Variants in ZMYND8 observed in about 807,000 individuals in gnomAD.
ZMYND8 encodes the protein zinc finger MYND-type containing 8.
ZMYND8 carries 37 observed loss-of-function variants against 140.8 expected under a neutral mutation model. The observed-to-expected ratio is 0.26, with a 90% CI of 0.20 to 0.35. ZMYND8 has a LOEUF of 0.35. ZMYND8 is among the 10% of genes least tolerant of loss of function. The pLI is 1.00. For synonymous variants in ZMYND8, 592 were observed against 597.1 expected (o/e 0.99, Z 0.12); for missense variants, 1,068 against 1,570.0 (o/e 0.68, Z 5.40).
intron 3 of ZMYND8, 130 bp downstream of exon 3, chr20:47,309,926 C>CAAAT (rs2078795203): frequency 7.7e-7 from 1 of 1,291,832 alleles, no homozygotes; most frequent in East Asian, 2.3e-5. Flanking sequence ...TTGTCCAAGG[C>CAAAT]AAATGACAGC....
intron 22 of ZMYND8, 94 bp from the exon 23 acceptor site, chr20:47,210,991 C>A: frequency 6.6e-7 from 1 of 1,515,792 alleles, no homozygotes; most frequent in Non-Finnish European, 8.9e-7. Context: ...GCACAGGAAA[C>A]CACCTTCCCC....
intron 1 of ZMYND8, among the ~76,000 whole-genome samples, chr20:47,350,328 G>GAAAA (rs3084684): frequency 2.1e-4 from 20 of 93,256 alleles, no homozygotes; most frequent in Admixed American, 4.6e-4. Flanking sequence ...ATTAAAAGGA[G>GAAAA]AAAAAAAAAA....
At chr20:47,356,394 A>C in intron 1 of ZMYND8, 1 of 1,530,876 alleles carries the variant, frequency 6.5e-7, no homozygotes, top group Non-Finnish European at 8.7e-7. Context: ...ATCTAGCTTC[A>C]AACTCTTCCA....
At chr20:47,237,062 A>G (rs904171997) in intron 15 of ZMYND8, among the ~76,000 whole-genome samples, 22 of 152,040 alleles carry the variant, frequency 1.4e-4, no homozygotes, top group African/African-American at 5.1e-4. Context: ...GTAGCATATT[A>G]CCAATTTAAA....
At chr20:47,218,699 G>T (rs572602798) in intron 21 of ZMYND8, among the ~76,000 whole-genome samples, 1 of 152,300 alleles carries the variant, frequency 6.6e-6, no homozygotes, top group African/African-American at 2.4e-5. Flanking sequence ...ACAAGGGGAA[G>T]TGAAGAGGGA....
At chr20:47,322,101 T>C (rs1001079022) in intron 2 of ZMYND8, among the ~76,000 whole-genome samples, 1 of 152,002 alleles carries the variant, frequency 6.6e-6, no homozygotes, top group Non-Finnish European at 1.5e-5. Flanking sequence ...GCTCAAGCAA[T>C]CCCTCTGCCT....
At chr20:47,328,151 G>GT (rs2148421954) in intron 2 of ZMYND8, among the ~76,000 whole-genome samples, 1 of 152,280 alleles carries the variant, frequency 6.6e-6, no homozygotes, top group Admixed American at 6.5e-5. Context: ...CTTAAAGGGT[G>GT]TAACAGGACA....
intron 5 of ZMYND8, among the ~76,000 whole-genome samples, chr20:47,292,374 G>A (rs766299738): frequency 2.0e-5 from 3 of 151,114 alleles, no homozygotes; most frequent in African/African-American, 2.4e-5. Flanking sequence ...TATGAAAATC[G>A]AAGGTAATTC....
Position 47,241,668 on chromosome 20 carries a change from C to T in ZMYND8, c.2285-2530G>A, listed in dbSNP as rs117274014. Among the ~76,000 whole-genome samples, 1,090 of 152,140 alleles carry T rather than the reference C, an allele frequency of 7.2e-3. 9 individuals carry two copies. Among genetic ancestry groups the T allele is most frequent in the Non-Finnish European group, 0.012 (837 of 67,990 alleles). ...GTGGCTCAGTTATGGATGCACAGGC[C>T]TCAGCCCCCGGTAAGGTGAGCCTAT... is the stretch of plus-strand genomic sequence containing the variant. On this transcript the variant is annotated intron_variant, in intron 14 of 22. Coordinates refer to ENST00000471951, the MANE Select transcript of ZMYND8 (RefSeq NM_001281775.3).
At chr20:47,251,991 A>G (rs1452245597) in intron 12 of ZMYND8, among the ~76,000 whole-genome samples, 1 of 152,050 alleles carries the variant, frequency 6.6e-6, no homozygotes, top group Non-Finnish European at 1.5e-5. Context: ...TTAAAAAAAA[A>G]AAGAAAGAAA....
At chr20:47,313,028 C>A (rs1395532665) in intron 2 of ZMYND8, among the ~76,000 whole-genome samples, 2 of 152,100 alleles carry the variant, frequency 1.3e-5, no homozygotes, top group African/African-American at 2.4e-5. Flanking sequence ...ACCCAAAGCA[C>A]TTGAAACAAA....
At position 47,276,850 on chromosome 20, in the gene ZMYND8, T is replaced by A. The variant is rs886961778; in HGVS notation, c.999-55A>T. 4 of 1,490,790 alleles carry A rather than the reference T, an allele frequency of 2.7e-6. No individual in the cohort carries two copies. In the South Asian group the frequency reaches 4.3e-5, roughly 16 times the overall value. 92.3% of individuals were successfully genotyped at this position (1,490,790 alleles called of 1,614,324 possible). Reference sequence around the variant, plus strand: ...AGTCAACTTCAGTAATTTCCAAGATTGCTTTTTTCTTGATGTGAACCAAAT... The same window carrying A: ...AGTCAACTTCAGTAATTTCCAAGATAGCTTTTTTCTTGATGTGAACCAAAT... On this transcript the variant is annotated intron_variant, in intron 10 of 22. Coordinates refer to ENST00000471951, the MANE Select transcript of ZMYND8 (RefSeq NM_001281775.3).
rs1167756582 is a variant in ZMYND8, at chr20:47,221,481, A to T, written c.3257-7T>A. ...TCCTGCTGAGGAGCAGTAGCTGGGG[A>T]CAAAGGAGAGAGAGAGACGCCACAT... On this transcript the variant is annotated splice_region_variant and splice_polypyrimidine_tract_variant and intron_variant, in intron 19 of 22. Coordinates refer to ENST00000471951, the MANE Select transcript of ZMYND8 (RefSeq NM_001281775.3). 2 of 1,613,488 alleles carry T rather than the reference A, an allele frequency of 1.2e-6. No homozygotes were observed. The highest frequency in any genetic ancestry group is 1.1e-5 in the South Asian group (1 of 91,036).
At chr20:47,349,804 T>C (rs1162534576) in intron 1 of ZMYND8, 1 of 1,532,210 alleles carries the variant, frequency 6.5e-7, no homozygotes, top group African/African-American at 1.4e-5. Context: ...GTGATCCAAC[T>C]GAAATCTACA....
chr20:47,246,036 T>A lies in ZMYND8; in HGVS notation c.2256A>T (p.Glu752Asp). ...SGREGRKNKKEPKEPSPKQDV... is the reference protein window; with the variant it reads ...SGREGRKNKKDPKEPSPKQDV... ...CCTGTTTGGGAGATGGTTCTTTGGG[T>A]TCCTTCTTATTTTTTCGACCCTCCC... The change falls in exon 14 of 23, where the codon GAA (glutamate) becomes GAT (aspartate). Residue 752 changes from glutamate to aspartate, a missense_variant. Coordinates refer to ENST00000471951, the MANE Select transcript of ZMYND8 (RefSeq NM_001281775.3). 6.2e-7 allele frequency: 1 copy of A among 1,603,238 alleles called. No homozygotes were observed. Among genetic ancestry groups the A allele is most frequent in the South Asian group, 1.1e-5 (1 of 88,944 alleles).
chr20:47,262,510 A>G, intron 11 of ZMYND8, 82 bp from the exon 12 acceptor site: 1 of 1,556,590 alleles, frequency 6.4e-7, no homozygotes, highest in East Asian at 2.3e-5. Context: ...GAGAGAATGG[A>G]GAGATTATGA....
Position 47,310,071 on chromosome 20 carries a change from A to C in ZMYND8, c.219T>G (p.Ser73Arg). ...GCTGCTTTACCTGCTCCTTATTGTT[A>C]CTGTTCAGTAAGCCAGGTTTCTTTT... ...KKKKKPGLLNSNNKEQSELRH... is the reference protein window; with the variant it reads ...KKKKKPGLLNRNNKEQSELRH... The change falls in exon 3 of 23, where the codon AGT becomes AGG. Residue 73 changes from serine (S) to arginine (R), a missense_variant. Ser to Arg is a moderately radical substitution (Grantham distance 110). Coordinates refer to ENST00000471951, the MANE Select transcript of ZMYND8 (RefSeq NM_001281775.3). 6.2e-7 allele frequency: 1 copy of C among 1,614,080 alleles called. No individual in the cohort carries two copies. The highest frequency in any genetic ancestry group is 8.5e-7 in the Non-Finnish European group (1 of 1,180,012).
intron 2 of ZMYND8, among the ~76,000 whole-genome samples, chr20:47,343,938 A>G (rs2082122268): frequency 6.6e-6 from 1 of 151,860 alleles, no homozygotes; most frequent in South Asian, 2.1e-4. Context: ...GGTCATGGTC[A>G]ACATCAACAG....
intron 14 of ZMYND8, 38 bp from the exon 15 acceptor site, chr20:47,239,176 A>C: frequency 1.3e-6 from 2 of 1,481,560 alleles, no homozygotes; most frequent in South Asian, 1.4e-5. Context: ...CAAAAACCGG[A>C]TTTCACTCAG....
Sources: allele counts gnomAD v4.1 joint callset (sites outside exome capture counted in the v4.1 genomes callset), GRCh38; gene constraint gnomAD v4.1.1; transcripts MANE v1.5; gene names NCBI Gene and HGNC (gene_info 2026-07-23, HGNC 2026-07-21).